SCARA5: variants seen among roughly 807,000 people sequenced by gnomAD.
SCARA5 encodes the protein scavenger receptor class A, member 5 (putative).
Under a neutral mutation model 46.3 loss-of-function variants are expected in SCARA5, and 45 were observed. The ratio of observed to expected loss-of-function variants is 0.97; its 90% CI spans 0.76 to 1.24. The LOEUF is 1.24. SCARA5 is among the 50% of genes most tolerant of loss of function. The probability of loss-of-function intolerance (pLI) is 0.00; values close to 1 mark genes in which losing one functional copy is unlikely to be tolerated. For synonymous variants in SCARA5, 333 were observed against 306.5 expected, an observed-to-expected ratio of 1.09 and a Z score of -0.90; for missense variants, 680 against 689.0, an observed-to-expected ratio of 0.99 and a Z score of 0.15.
chr8:27,872,114 G>A, intron 8 of SCARA5, 44 bp from the exon 9 acceptor site: 6 of 1,606,712 alleles, frequency 3.7e-6, no homozygotes, highest in Non-Finnish European at 5.1e-6. Context: ...TACACAGGAG[G>A]GCGAGAAGGA....
At chr8:27,887,564 G>A (rs550071705) in intron 7 of SCARA5, among the ~76,000 whole-genome samples, 1 of 152,286 alleles carries the variant, frequency 6.6e-6, no homozygotes, top group South Asian at 2.1e-4. Flanking sequence ...ACAAGGAGAG[G>A]CTGTTCTTGA....
chr8:27,958,795 T>C (rs1370017117), intron 3 of SCARA5, among the ~76,000 whole-genome samples: 1 of 152,164 alleles, frequency 6.6e-6, no homozygotes, highest in African/African-American at 2.4e-5. Context: ...TGACACGCAA[T>C]GGGGGAGCAC....
At chr8:27,945,245 C>T (rs1181398329) in intron 3 of SCARA5, among the ~76,000 whole-genome samples, 6 of 151,952 alleles carry the variant, frequency 3.9e-5, no homozygotes, top group Non-Finnish European at 7.4e-5. Flanking sequence ...ATACTGGTGC[C>T]TCCCTTATTC....
intron 4 of SCARA5, among the ~76,000 whole-genome samples, chr8:27,915,804 G>A (rs963076851): frequency 6.6e-6 from 1 of 152,026 alleles, no homozygotes; most frequent in African/African-American, 2.4e-5. Flanking sequence ...AACAAAAAGA[G>A]TGGACTGGAT....
At chr8:27,917,502 C>T (rs952050425) in intron 4 of SCARA5, among the ~76,000 whole-genome samples, 1 of 152,174 alleles carries the variant, frequency 6.6e-6, no homozygotes, top group African/African-American at 2.4e-5. Context: ...AACACGCTTT[C>T]CTCTCTTCAC....
At chr8:27,953,774 G>A (rs779086541) in intron 3 of SCARA5, among the ~76,000 whole-genome samples, 6 of 152,244 alleles carry the variant, frequency 3.9e-5, no homozygotes, top group Non-Finnish European at 8.8e-5. Flanking sequence ...CATTGGGGGA[G>A]TCACCTTAGA....
At chr8:27,956,780 G>C (rs367931378) in intron 3 of SCARA5, among the ~76,000 whole-genome samples, 4 of 152,102 alleles carry the variant, frequency 2.6e-5, no homozygotes, top group African/African-American at 4.8e-5. Context: ...TGTCTCATTC[G>C]GTGCTAGGCT....
chr8:27,923,180 T>C (rs1367988071), intron 3 of SCARA5, among the ~76,000 whole-genome samples: 2 of 152,212 alleles, frequency 1.3e-5, no homozygotes, highest in African/African-American at 4.8e-5. Context: ...TCCCCTCAAG[T>C]CAGCTCCAGG....
intron 3 of SCARA5, among the ~76,000 whole-genome samples, chr8:27,928,055 T>C (rs2685318): frequency 0.99 from 150,958 of 152,290 alleles, 74,834 homozygotes; most frequent in Middle Eastern, 1. Context: ...GGCATCAACT[T>C]GCGTAGGGCA....
chr8:27,872,759 A>T (rs985043092), intron 8 of SCARA5, among the ~76,000 whole-genome samples: 3 of 152,234 alleles, frequency 2.0e-5, no homozygotes, highest in Non-Finnish European at 4.4e-5. Flanking sequence ...GCTCTGTGGG[A>T]TTAGTCACAC....
intron 8 of SCARA5, among the ~76,000 whole-genome samples, chr8:27,879,205 T>A (rs112866604): frequency 0.011 from 1,730 of 152,230 alleles, 34 homozygotes; most frequent in African/African-American, 0.039. Context: ...ATCATATAAG[T>A]GTTAACAATA....
In SCARA5 at chr8:27,871,557, G is replaced by A. The variant is rs1283035700; in HGVS notation, c.*377C>T. Reference sequence around the variant, plus strand: ...TAAATGATCTATACTACCAACCATCGCTGCTGCTGCACTTGTCTCTGACAC... The same window carrying A: ...TAAATGATCTATACTACCAACCATCACTGCTGCTGCACTTGTCTCTGACAC... On this transcript the variant is annotated 3_prime_UTR_variant, in exon 9 of 9. Transcript: ENST00000354914. 15 of 1,074,404 alleles carry A rather than the reference G, an allele frequency of 1.4e-5. No homozygotes were observed. Among genetic ancestry groups the A allele is most frequent in the African/African-American group, 1.6e-5 (1 of 61,464 alleles). 66.6% of individuals were successfully genotyped at this position (1,074,404 alleles called of 1,614,324 possible). A position where few individuals can be genotyped will look rare whatever the true frequency, so the allele number is the denominator to read the frequency against.
At chr8:27,989,809 C>T (rs1808761202) in intron 1 of SCARA5, among the ~76,000 whole-genome samples, 1 of 152,242 alleles carries the variant, frequency 6.6e-6, no homozygotes, top group Admixed American at 6.5e-5. Flanking sequence ...TCCACCCAGG[C>T]AGGGCCTCTA....
At chr8:27,966,034 C>T (rs138709919) in intron 3 of SCARA5, among the ~76,000 whole-genome samples, 10 of 152,342 alleles carry the variant, frequency 6.6e-5, no homozygotes, top group African/African-American at 2.4e-4. Flanking sequence ...AAGCAAAGTG[C>T]CTCACAACTA....
intron 3 of SCARA5, among the ~76,000 whole-genome samples, chr8:27,961,047 G>A (rs1298409880): frequency 2.6e-5 from 4 of 152,140 alleles, no homozygotes; most frequent in African/African-American, 9.7e-5. Context: ...GATAACCTGG[G>A]GCTAAACCCT....
intron 5 of SCARA5, among the ~76,000 whole-genome samples, chr8:27,908,762 C>T (rs952785964): frequency 6.6e-6 from 1 of 152,100 alleles, no homozygotes; most frequent in Non-Finnish European, 1.5e-5. Context: ...AGTTCCAGAG[C>T]CCCATGAGCC....
intron 4 of SCARA5, among the ~76,000 whole-genome samples, chr8:27,916,797 G>A (rs532093891): frequency 3.9e-5 from 6 of 152,290 alleles, no homozygotes; most frequent in South Asian, 4.1e-4. Flanking sequence ...AAGCACTGTC[G>A]AACTGTGAAG....
intron 8 of SCARA5, among the ~76,000 whole-genome samples, chr8:27,876,750 G>A (rs535616958): frequency 6.6e-6 from 1 of 152,262 alleles, no homozygotes; most frequent in African/African-American, 2.4e-5. Context: ...GAGAGAGTGT[G>A]CAGAACACAA....
chr8:27,904,675 G>T, intron 7 of SCARA5, 103 bp downstream of exon 7: 2 of 1,053,140 alleles, frequency 1.9e-6, no homozygotes, highest in Non-Finnish European at 1.5e-6. Flanking sequence ...TTGAGCCCCA[G>T]CCATGGCTCC....
Sources: gnomAD v4.1 joint callset for allele counts (sites outside exome capture counted in the v4.1 genomes callset) on GRCh38, gnomAD v4.1.1 for gene constraint, MANE v1.5 for transcripts, NCBI Gene and HGNC (gene_info 2026-07-23, HGNC 2026-07-21) for gene names.